The following RPTOR variants were observed in gnomAD, a reference collection of about 807,000 sequenced individuals.
RPTOR encodes regulatory-associated protein of mTOR.
RPTOR carries 21 observed loss-of-function variants against 169.9 expected under a neutral mutation model. That is an observed-to-expected ratio of 0.12 (90% CI 0.09 to 0.18). The LOEUF (loss-of-function observed/expected upper bound fraction) is 0.18. RPTOR is among the 10% of genes least tolerant of loss of function. RPTOR has a pLI of 1.00. For missense variants in RPTOR, 1,133 were observed against 1,855.9 expected, an observed-to-expected ratio of 0.61 and a Z score of 7.16; for synonymous variants, 732 against 753.2, an observed-to-expected ratio of 0.97 and a Z score of 0.46.
chr17:80,891,582 A>T, intron 17 of RPTOR, 138 bp from the exon 18 acceptor site: 3 of 668,196 alleles, frequency 4.5e-6, no homozygotes, highest in Middle Eastern at 4.4e-4. Context: ...TCGAAAAGGG[A>T]TGGTCCCTGT....
intron 7 of RPTOR, among the ~76,000 whole-genome samples, chr17:80,793,953 C>T (rs2067075584): frequency 6.6e-6 from 1 of 152,180 alleles, no homozygotes; most frequent in African/African-American, 2.4e-5. Context: ...GTCGTCTGCC[C>T]AACACACGGA....
intron 6 of RPTOR, among the ~76,000 whole-genome samples, chr17:80,770,103 G>T (rs2066827413): frequency 6.6e-6 from 1 of 152,228 alleles, no homozygotes; most frequent in Non-Finnish European, 1.5e-5. Context: ...TCTGGTGAGG[G>T]CTGTTCTCTG....
Position 80,822,212 on chromosome 17 carries a change from G to T in RPTOR, c.902G>T (p.Arg301Leu). ...TLDLIEKIPG[R>L]LNDRRTPLGE... is the part of the protein sequence containing the mutation. ...CCCTTGTTTTCTAGGATCCCTGGCC[G>T]CCTGAACGACAGGAGGACGCCCCTG... The change falls in exon 8 of 34, where the codon CGC becomes CTC. Residue 301 changes from arginine (R) to leucine (L), a missense_variant. Physicochemically the swap from Arg to Leu is moderately radical, Grantham distance 102. Transcript: ENST00000306801. 6.2e-7 allele frequency: 1 copy of T among 1,614,142 alleles called. No homozygotes were observed. The highest frequency in any genetic ancestry group is 2.2e-5 in the East Asian group (1 of 44,886).
At chr17:80,794,825 C>T (rs1442796997) in intron 7 of RPTOR, among the ~76,000 whole-genome samples, 2 of 152,172 alleles carry the variant, frequency 1.3e-5, no homozygotes, top group Admixed American at 6.5e-5. Context: ...GCGCATGGTC[C>T]GATTCCCTTT....
intron 2 of RPTOR, among the ~76,000 whole-genome samples, chr17:80,627,516 T>C (rs1327464406): frequency 3.9e-5 from 6 of 152,232 alleles, no homozygotes; most frequent in Non-Finnish European, 8.8e-5. Context: ...ATTGATCTGA[T>C]TTTTTCCTTT....
At position 80,691,763 on chromosome 17, in the gene RPTOR, C is replaced by A. The variant is rs186772768; in HGVS notation, c.349-16078C>A. Among the ~76,000 whole-genome samples the A allele has an allele frequency of 4.3e-3, 648 of 152,268 alleles. 4 individuals carry two copies. Among genetic ancestry groups the A allele is most frequent in the Non-Finnish European group, 6.9e-3 (467 of 68,036 alleles). Reference sequence around the variant, plus strand: ...AGTGGTATGGAGAGCTTAATCTGGGCTCCAGGGCTGCTCATTGACCCTTGT... The same window carrying A: ...AGTGGTATGGAGAGCTTAATCTGGGATCCAGGGCTGCTCATTGACCCTTGT... On this transcript the variant is annotated intron_variant, in intron 3 of 33. Coordinates refer to ENST00000306801, the MANE Select transcript of RPTOR (RefSeq NM_020761.3).
chr17:80,686,248 A>G (rs373942191), intron 3 of RPTOR, among the ~76,000 whole-genome samples: 2 of 148,702 alleles, frequency 1.3e-5, no homozygotes, highest in African/African-American at 5.0e-5. Flanking sequence ...GTGCGGTGGC[A>G]CGATCTCGGC....
intron 1 of RPTOR, among the ~76,000 whole-genome samples, chr17:80,608,531 G>C (rs1055862003): frequency 3.3e-5 from 5 of 152,150 alleles, no homozygotes; most frequent in African/African-American, 1.2e-4. Context: ...AGGTGGCGGT[G>C]GGGGTATCAG....
chr17:80,851,373 C>T (rs1188909869), intron 11 of RPTOR, among the ~76,000 whole-genome samples: 1 of 152,080 alleles, frequency 6.6e-6, no homozygotes, highest in Non-Finnish European at 1.5e-5. Flanking sequence ...TTTTTAAGTA[C>T]AGAAACAACA....
rs971254911 is a variant in RPTOR, at chr17:80,726,945, T to C, written c.508-3615T>C. 6.6e-6 allele frequency among the ~76,000 whole-genome samples: 1 copy of C among 151,828 alleles called. No individual in the cohort carries two copies. Among genetic ancestry groups the C allele is most frequent in the African/African-American group, 2.4e-5 (1 of 41,386 alleles). On this transcript the variant is annotated intron_variant, in intron 4 of 33. Transcript: ENST00000306801. The surrounding 1 kb of genome is among the most constrained non-coding windows in gnomAD (Gnocchi z 4.5). ...TGGGTGGGGGAGGAGAGGAGCATGC[T>C]TCCCCCAACCCCTGGGGACCTGTGA...
At chr17:80,964,179 A>G in intron 33 of RPTOR, 83 bp from the exon 34 acceptor site, 1 of 1,130,588 alleles carries the variant, frequency 8.8e-7, no homozygotes, top group Non-Finnish European at 1.3e-6. Context: ...CTGCCTAAGG[A>G]TGCGGGTTGG....
chr17:80,962,840 G>T, intron 32 of RPTOR, 88 bp from the exon 33 acceptor site: 2 of 1,578,972 alleles, frequency 1.3e-6, no homozygotes, highest in Non-Finnish European at 1.7e-6. Flanking sequence ...TGGTCTAGCC[G>T]GCCTGTCCCC....
intron 4 of RPTOR, among the ~76,000 whole-genome samples, chr17:80,710,654 G>A (rs1356539709): frequency 6.7e-6 from 1 of 150,106 alleles, no homozygotes; most frequent in African/African-American, 2.5e-5. Context: ...CTGGTGCTAC[G>A]TTGAATGATA....
intron 1 of RPTOR, among the ~76,000 whole-genome samples, chr17:80,551,755 T>TTAC (rs2143211761): frequency 6.6e-6 from 1 of 152,216 alleles, no homozygotes; most frequent in East Asian, 1.9e-4. Context: ...CACAGACCCT[T>TTAC]TACGGGTGTC....
intron 3 of RPTOR, among the ~76,000 whole-genome samples, chr17:80,666,132 A>G (rs1438580724): frequency 6.6e-6 from 1 of 152,166 alleles, no homozygotes; most frequent in East Asian, 1.9e-4. Flanking sequence ...AAATCTTGCC[A>G]TTTGATATTA....
intron 6 of RPTOR, among the ~76,000 whole-genome samples, chr17:80,771,941 TCC>T (rs2066847912): frequency 6.6e-6 from 1 of 152,330 alleles, no homozygotes; most frequent in East Asian, 1.9e-4. Context: ...CACCTCAGCC[TCC>T]CTGGTAACTG....
At chr17:80,548,772 T>C (rs2084310171) in intron 1 of RPTOR, among the ~76,000 whole-genome samples, 1 of 152,190 alleles carries the variant, frequency 6.6e-6, no homozygotes. Flanking sequence ...GCCTCCAGTC[T>C]GGTGGAGCAG....
At chr17:80,840,439 C>T (rs1248231287) in intron 10 of RPTOR, among the ~76,000 whole-genome samples, 2 of 138,120 alleles carry the variant, frequency 1.4e-5, no homozygotes, top group Non-Finnish European at 1.5e-5. Context: ...TCTCACCACA[C>T]GGCAGCTCAC....
chr17:80,545,838 C>T, intron 1 of RPTOR, 47 bp downstream of exon 1: 1 of 1,479,586 alleles, frequency 6.8e-7, no homozygotes, highest in Non-Finnish European at 9.1e-7. Flanking sequence ...GTTTCCCCAA[C>T]AAAGAAAGTT....
Sources: gnomAD v4.1 joint callset for allele counts (sites outside exome capture counted in the v4.1 genomes callset) on GRCh38, gnomAD v4.1.1 for gene constraint, Gnocchi (gnomAD v3.1) non-coding constraint, MANE v1.5 for transcripts, NCBI Gene and HGNC (gene_info 2026-07-23, HGNC 2026-07-21) for gene names.